Variants in IMPDH2 observed in about 807,000 individuals in gnomAD.
IMPDH2 encodes the protein inosine monophosphate dehydrogenase 2, also known as inosine-5'-monophosphate dehydrogenase 2.
In IMPDH2, 33 loss-of-function variants were observed where a neutral mutation model predicts 57.8. The ratio of observed to expected loss-of-function variants is 0.57; its 90% confidence interval spans 0.43 to 0.76. The LOEUF (loss-of-function observed/expected upper bound fraction) is 0.76, where lower values mean the gene tolerates loss of function less well. Ranked by LOEUF, IMPDH2 falls within the 30% of genes least tolerant of loss-of-function variation. The pLI is 0.00. For missense variants in IMPDH2, 446 were observed against 659.1 expected (o/e 0.68, Z 3.54); for synonymous variants, 270 against 241.3 (o/e 1.12, Z -1.10).
rs1030058567 is a variant in IMPDH2, at chr3:49,027,926, G to T, written c.325-10C>A. 6.2e-7 allele frequency: 1 copy of T among 1,604,374 alleles called. No homozygotes were observed. Among genetic ancestry groups the T allele is most frequent in the Non-Finnish European group, 8.5e-7 (1 of 1,171,746 alleles). On this transcript the variant is annotated splice_polypyrimidine_tract_variant and intron_variant, in intron 4 of 13. Coordinates refer to ENST00000326739, the MANE Select transcript of IMPDH2 (RefSeq NM_000884.3). ...ATCCCTGTTCATATTTCTGGAAAGG[G>T]ATGGTGAGAAAGGGCATCGCATCTT... is the stretch of plus-strand genomic sequence containing the variant.
chr3:49,026,459 G>A (rs1032867692), intron 8 of IMPDH2, 40 bp from the exon 9 acceptor site: 2 of 1,605,394 alleles, frequency 1.2e-6, no homozygotes, highest in Admixed American at 1.7e-5. Context: ...TGAAGGTTAA[G>A]GTGGGAGCCC....
At position 49,027,709 on chromosome 3, in the gene IMPDH2, C is replaced by A; in HGVS notation, c.531+1G>T. On this transcript the variant is annotated splice_donor_variant, in intron 5 of 13. Coordinates refer to ENST00000326739, the MANE Select transcript of IMPDH2 (RefSeq NM_000884.3). LOFTEE classifies it high-confidence loss of function. Reference sequence around the variant, plus strand: ...GGATCTACTCTGCCAGTGGCACCCACCTCTTCCAAGAAACAGTCATGTTCC... The same window carrying A: ...GGATCTACTCTGCCAGTGGCACCCAACTCTTCCAAGAAACAGTCATGTTCC... 1 of 1,613,788 alleles carries A rather than the reference C, an allele frequency of 6.2e-7. No individual in the cohort carries two copies. The highest frequency in any genetic ancestry group is 1.1e-5 in the South Asian group (1 of 91,084).
rs748960798 is a variant in IMPDH2, at chr3:49,029,252, C to T, written c.98+1G>A. The T allele has an allele frequency of 1.3e-6, 2 of 1,598,864 alleles. No homozygotes were observed. Among genetic ancestry groups the T allele is most frequent in the East Asian group, 2.3e-5 (1 of 44,438 alleles). ...CCCAGGTGAGCCCCATAGGCCCGCACTTGTAGGTGAGGCCGTCTCCGCAGT... is the reference window on the plus strand; with the variant it reads ...CCCAGGTGAGCCCCATAGGCCCGCATTTGTAGGTGAGGCCGTCTCCGCAGT... On this transcript the variant is annotated splice_donor_variant, in intron 1 of 13. Transcript: ENST00000326739. LOFTEE classifies it high-confidence loss of function.
chr3:49,024,868 G>C (rs766370008), intron 11 of IMPDH2, 28 bp downstream of exon 11: 1 of 1,614,196 alleles, frequency 6.2e-7, no homozygotes, highest in Non-Finnish European at 8.5e-7. Flanking sequence ...GCAGGATTAG[G>C]GTGGGGTAAC....
At position 49,026,543 on chromosome 3, in the gene IMPDH2, T is replaced by A. The variant is rs780501815; in HGVS notation, c.886A>T (p.Asn296Tyr). 4 of 1,613,542 alleles carry A rather than the reference T, an allele frequency of 2.5e-6. No individual in the cohort carries two copies. The highest frequency in any genetic ancestry group is 3.4e-6 in the Non-Finnish European group (4 of 1,179,408). ...MIKYIKDKYP[N>Y]LQVIGGNVVT... is the part of the protein sequence containing the mutation. ...CCATTGCCTCCAATGACTTGGAGAT[T>A]AGGGTATTTGTCTTTGATGTACTTG... The change falls in exon 8 of 14, where the codon AAT (asparagine) becomes TAT (tyrosine). Residue 296 changes from asparagine (N) to tyrosine (Y), a missense_variant. Asn to Tyr is a moderately radical substitution (Grantham distance 143, BLOSUM62 -2). Transcript: ENST00000326739.
rs570950750 is a variant in IMPDH2 at position 49,027,834 on chromosome 3, C to A, written c.407G>T (p.Arg136Leu). 6.2e-7 allele frequency: 1 copy of A among 1,614,080 alleles called. No homozygotes were observed. Among genetic ancestry groups the A allele is most frequent in the African/African-American group, 1.3e-5 (1 of 74,918 alleles). The change falls in exon 5 of 14, where the codon CGG becomes CTG. Residue 136 changes from arginine (R) to leucine (L), a missense_variant. Coordinates refer to ENST00000326739, the MANE Select transcript of IMPDH2 (RefSeq NM_000884.3). ...RVRDVFEAKA[R>L]HGFCGIPITD... is the part of the protein sequence containing the mutation. ...GATTGGGATACCGCAGAAACCATGC[C>A]GGGCCTTGGCCTCAAAAACATCCCG...
intron 12 of IMPDH2, 27 bp downstream of exon 12, chr3:49,024,632 A>C (rs1463156458): frequency 1.7e-5 from 27 of 1,614,016 alleles, no homozygotes; most frequent in Non-Finnish European, 2.3e-5. Context: ...CAGCCCCTCT[A>C]CCCATGTCCC....
chr3:49,027,089 T>C (rs905134756), intron 5 of IMPDH2, 42 bp from the exon 6 acceptor site: 17 of 1,407,136 alleles, frequency 1.2e-5, no homozygotes, highest in Middle Eastern at 1.8e-4. Flanking sequence ...AGTCATCGAC[T>C]ATGACCAGTT....
rs774651133 is a variant in IMPDH2 at position 49,029,380 on chromosome 3, C to G, written c.-30G>C. On this transcript the variant is annotated 5_prime_UTR_variant, in exon 1 of 14. Coordinates refer to ENST00000326739, the MANE Select transcript of IMPDH2 (RefSeq NM_000884.3). ...AACACAGGACACCGCCGCGTGTCTCCGAGGACCGCGCCGCAGAGACCTCTG... is the reference window on the plus strand; with the variant it reads ...AACACAGGACACCGCCGCGTGTCTCGGAGGACCGCGCCGCAGAGACCTCTG... The G allele has an allele frequency of 5.5e-6, 8 of 1,457,320 alleles. No individual in the cohort carries two copies. The highest frequency in any genetic ancestry group is 6.6e-6 in the Non-Finnish European group (7 of 1,057,906). 90.3% of individuals were successfully genotyped at this position (1,457,320 alleles called of 1,614,324 possible).
Position 49,024,663 on chromosome 3 carries a change from C to T in IMPDH2, c.1435G>A (p.Val479Ile), listed in dbSNP as rs764359655. ...QDIGAKSLTQ[V>I]RAMMYSGELK... ...GTCCCAGCTCCCCAAGCTCACCGGA[C>T]TTGGGTCAAGCTCTTGGCACCAATG... The change falls in exon 12 of 14, where the codon GTC becomes ATC. Residue 479 changes from valine (V) to isoleucine (I), a missense_variant. By Grantham distance (29) the Val-to-Ile change is conservative (BLOSUM62 3). Coordinates refer to ENST00000326739, the MANE Select transcript of IMPDH2 (RefSeq NM_000884.3). 6.2e-7 allele frequency: 1 copy of T among 1,614,224 alleles called. No individual in the cohort carries two copies. Among genetic ancestry groups the T allele is most frequent in the Non-Finnish European group, 8.5e-7 (1 of 1,180,030 alleles).
chr3:49,028,721 C>T lies in IMPDH2; in HGVS notation c.147+37G>A, dbSNP rs535630469. On this transcript the variant is annotated intron_variant, in intron 2 of 13. Coordinates refer to ENST00000326739, the MANE Select transcript of IMPDH2 (RefSeq NM_000884.3). ...CAGGTGATAGTAGCACCTTAGCTCACCTTGATGTTCAGGACCCAATTCCTG... is the reference window on the plus strand; with the variant it reads ...CAGGTGATAGTAGCACCTTAGCTCATCTTGATGTTCAGGACCCAATTCCTG... 1.5e-5 allele frequency: 23 copies of T among 1,577,838 alleles called. No homozygotes were observed. The East Asian group carries it at 4.5e-4, about 31-fold the overall frequency.
intron 10 of IMPDH2, 40 bp from the exon 11 acceptor site, chr3:49,025,080 C>T (rs2093192185): frequency 6.2e-7 from 1 of 1,614,230 alleles, no homozygotes; most frequent in Non-Finnish European, 8.5e-7. Flanking sequence ...GCCTAAGCAG[C>T]ACTAGGGAGG....
In IMPDH2 at chr3:49,027,085, C is replaced by T. The variant is rs778434639; in HGVS notation, c.532-38G>A. 6.3e-6 allele frequency: 9 copies of T among 1,435,548 alleles called. No homozygotes were observed. The East Asian group carries it at 6.8e-5, about 11-fold the overall frequency. 88.9% of individuals were successfully genotyped at this position (1,435,548 alleles called of 1,614,324 possible). On this transcript the variant is annotated intron_variant, in intron 5 of 13. Coordinates refer to ENST00000326739, the MANE Select transcript of IMPDH2 (RefSeq NM_000884.3). ...TGAGATGTGAAGAAGGGCCAGTCAT[C>T]GACTATGACCAGTTAACTCTTTTCT...
In IMPDH2 at chr3:49,027,832, G is replaced by A; in HGVS notation, c.409C>T (p.His137Tyr). Residue 137 changes from histidine to tyrosine, a missense_variant, in exon 5 of 14, where the codon CAT (histidine) becomes TAT (tyrosine). By Grantham distance (83) the His-to-Tyr change is moderately conservative (BLOSUM62 2). Coordinates refer to ENST00000326739, the MANE Select transcript of IMPDH2 (RefSeq NM_000884.3). ...GTGATTGGGATACCGCAGAAACCAT[G>A]CCGGGCCTTGGCCTCAAAAACATCC... ...VRDVFEAKAR[H>Y]GFCGIPITDT... 1 of 1,614,210 alleles carries A rather than the reference G, an allele frequency of 6.2e-7. No individual in the cohort carries two copies. The highest frequency in any genetic ancestry group is 8.5e-7 in the Non-Finnish European group (1 of 1,180,032).
Position 49,027,902 on chromosome 3 carries a change from T to A in IMPDH2, c.339A>T (p.Gly113=). ...EVRKVKKYEQ[G]FITDPVVLSP... The stretch of plus-strand genomic sequence containing the variant: ...TGAGGACCACAGGGTCTGTGATGAA[T>A]CCCTGTTCATATTTCTGGAAAGGGA... Residue 113 remains glycine, a synonymous_variant, in exon 5 of 14, where the codon GGA becomes GGT. Coordinates refer to ENST00000326739, the MANE Select transcript of IMPDH2 (RefSeq NM_000884.3). 6.2e-7 allele frequency: 1 copy of A among 1,613,414 alleles called. No individual in the cohort carries two copies. Among genetic ancestry groups the A allele is most frequent in the Non-Finnish European group, 8.5e-7 (1 of 1,179,444 alleles).
intron 9 of IMPDH2, among the ~76,000 whole-genome samples, chr3:49,025,685 G>A (rs1329709914): frequency 2.0e-5 from 3 of 152,184 alleles, no homozygotes; most frequent in Non-Finnish European, 4.4e-5. Context: ...AGAGCAGGCT[G>A]TGGTTGTGTG....
intron 9 of IMPDH2, chr3:49,025,872 G>A (rs908297586): frequency 1.4e-5 from 6 of 428,254 alleles, no homozygotes; most frequent in Admixed American, 2.6e-5. Context: ...CCAAACCATG[G>A]TCTGTGTATC....
In IMPDH2 at chr3:49,024,419, A is replaced by T; in HGVS notation, c.1524-15T>A. Reference sequence around the variant, plus strand: ...GCTTCTCATACCTGCAGGCAGAAGGACCACCTGTGAGGTGAGGGCAGGAGA... The same window carrying T: ...GCTTCTCATACCTGCAGGCAGAAGGTCCACCTGTGAGGTGAGGGCAGGAGA... On this transcript the variant is annotated splice_polypyrimidine_tract_variant and intron_variant, in intron 13 of 13. Coordinates refer to ENST00000326739, the MANE Select transcript of IMPDH2 (RefSeq NM_000884.3). 1 of 1,614,162 alleles carries T rather than the reference A, an allele frequency of 6.2e-7. No homozygotes were observed. The highest frequency in any genetic ancestry group is 8.5e-7 in the Non-Finnish European group (1 of 1,180,024).
chr3:49,029,379 C>G lies in IMPDH2; in HGVS notation c.-29G>C. ...CAACACAGGACACCGCCGCGTGTCT[C>G]CGAGGACCGCGCCGCAGAGACCTCT... On this transcript the variant is annotated 5_prime_UTR_variant, in exon 1 of 14. Coordinates refer to ENST00000326739, the MANE Select transcript of IMPDH2 (RefSeq NM_000884.3). The G allele has an allele frequency of 1.4e-6, 2 of 1,468,634 alleles. No individual in the cohort carries two copies. Among genetic ancestry groups the G allele is most frequent in the Middle Eastern group, 1.7e-4 (1 of 5,828 alleles). The allele number at this position is 1,468,634 out of a possible 1,614,324, so 91.0% of individuals were successfully genotyped here.
Sources: gnomAD v4.1 joint callset for allele counts (sites outside exome capture counted in the v4.1 genomes callset) on GRCh38, gnomAD v4.1.1 for gene constraint, MANE v1.5 for transcripts, NCBI Gene and HGNC (gene_info 2026-07-23, HGNC 2026-07-21) for gene names.